PKD1: variants seen among roughly 807,000 people sequenced by gnomAD.
The protein encoded by PKD1 is polycystin-1.
PKD1 carries 81 observed loss-of-function variants against 361.7 expected under a neutral mutation model. The ratio of observed to expected loss-of-function variants is 0.22; its 90% CI spans 0.19 to 0.27. PKD1 has a LOEUF of 0.27. PKD1 is among the 10% of genes least tolerant of loss of function. PKD1 has a pLI of 1.00. For missense variants in PKD1, 6,399 were observed against 6,118.3 expected, an observed-to-expected ratio of 1.05 and a Z score of -1.53; for synonymous variants, 3,615 against 2,818.3, an observed-to-expected ratio of 1.28 and a Z score of -8.95.
intron 16 of PKD1, 73 bp from the exon 17 acceptor site, chr16:2,107,021 G>A (rs1373068228): frequency 2.4e-5 from 35 of 1,433,574 alleles, no homozygotes; most frequent in Admixed American, 1.9e-4. Flanking sequence ...ACCCATGGAG[G>A]ATGCTGCTCC....
rs759210811 is a variant in PKD1 at position 2,090,153 on chromosome 16, G to T, written c.12486C>A (p.Pro4162=). 195 of 1,596,548 alleles carry T rather than the reference G, an allele frequency of 1.2e-4. 6 individuals carry two copies. In the Middle Eastern group the frequency reaches 1.5e-3, roughly 12 times the overall value. The change falls in exon 46 of 46, where the codon CCC becomes CCA. Residue 4162 remains proline (P), a synonymous_variant. Transcript: ENST00000262304. ...CCTTGGAGCCCCTGGAGGAGCGAGA[G>T]GGCAGCGGCTCCATCCCTTCAAAGC... The part of the protein sequence containing the change: ...KVRFEGMEPL[P]SRSSRGSKVS...
In PKD1 at chr16:2,094,254, G is replaced by A. The variant is rs180802699; in HGVS notation, c.10500-44C>T. On this transcript the variant is annotated intron_variant, in intron 34 of 45. Coordinates refer to ENST00000262304, the MANE Select transcript of PKD1 (RefSeq NM_001009944.3). ...TGTGAATTCATCCCGGCCTCCAGGA[G>A]GCAGTTGCAGCCAAGCCCATGTTAA... 8.8e-5 allele frequency: 110 copies of A among 1,243,288 alleles called. 1 individual carries two copies. The highest frequency in any genetic ancestry group is 7.7e-4 in the Admixed American group (45 of 58,776). 77.0% of individuals were successfully genotyped at this position (1,243,288 alleles called of 1,614,324 possible). A position where few individuals can be genotyped will look rare whatever the true frequency, so the allele number is the denominator to read the frequency against.
In PKD1 at chr16:2,106,204, G is replaced by C. The variant is rs745509165; in HGVS notation, c.7590C>G (p.Gly2530=). The C allele has an allele frequency of 5.6e-6, 9 of 1,610,142 alleles. No homozygotes were observed. Among genetic ancestry groups the C allele is most frequent in the East Asian group, 2.2e-5 (1 of 44,872 alleles). The change falls in exon 19 of 46, where the codon GGC becomes GGG. Residue 2530 remains glycine, a synonymous_variant. Coordinates refer to ENST00000262304, the MANE Select transcript of PKD1 (RefSeq NM_001009944.3). The surrounding 1 kb of genome is among the most constrained non-coding windows in gnomAD (Gnocchi z 6.5). ...GHCEEFCVYK[G]SLSSYGAVLP... is the part of the protein sequence containing the mutation. Reference sequence around the variant, plus strand: ...GCACGGCTCCGTAGCTGGAGAGGCTGCCCTTGTAGACACAGAACTCCTCGC... The same window carrying C: ...GCACGGCTCCGTAGCTGGAGAGGCTCCCCTTGTAGACACAGAACTCCTCGC...
In PKD1 at chr16:2,109,382, C is replaced by T. The variant is rs756269304; in HGVS notation, c.5785G>A (p.Glu1929Lys). The T allele has an allele frequency of 6.3e-6, 10 of 1,596,718 alleles. No homozygotes were observed. The highest frequency in any genetic ancestry group is 2.2e-4 in the Middle Eastern group (1 of 4,546). ...GAGAAACGGGGCCCGGGGAGCACCT[C>T]GGGGTTGGCCCCGCCGACCTGCAGG... ...FRLQVGGANP[E>K]VLPGPRFSHS... Residue 1929 changes from glutamate to lysine, a missense_variant, in exon 15 of 46, where the codon GAG becomes AAG. Coordinates refer to ENST00000262304, the MANE Select transcript of PKD1 (RefSeq NM_001009944.3).
chr16:2,114,257 G>A lies in PKD1; in HGVS notation c.2766C>T (p.Leu922=), dbSNP rs777269703. 1.9e-6 allele frequency: 3 copies of A among 1,610,248 alleles called. No individual in the cohort carries two copies. Among genetic ancestry groups the A allele is most frequent in the South Asian group, 1.1e-5 (1 of 90,992 alleles). The change falls in exon 11 of 46, where the codon CTC becomes CTT. Residue 922 remains leucine (L), a synonymous_variant. Transcript: ENST00000262304. ...VVENSASRAN[L]SLRVTAEEPI... is the part of the protein sequence containing the mutation. The stretch of plus-strand genomic sequence containing the variant: ...GCTCCTCCGCCGTCACCCGCAGGCT[G>A]AGGTTGGCCCGGCTGGCGCTGTTTT...
chr16:2,107,700 G>A (rs577348367), intron 16 of PKD1, 183 bp downstream of exon 16: 45 of 665,986 alleles, frequency 6.8e-5, no homozygotes, highest in South Asian at 3.8e-4. Context: ...GACTGTACGT[G>A]GAACTGTGGC....
At chr16:2,115,192 C>T (rs2092610242) in intron 10 of PKD1, 186 bp downstream of exon 10, 7 of 609,486 alleles carry the variant, frequency 1.1e-5, no homozygotes, top group Non-Finnish European at 1.4e-5. Flanking sequence ...GCCAAGGGCC[C>T]AGGCGAGAGC....
chr16:2,120,711 C>G (rs376138116), intron 1 of PKD1, among the ~76,000 whole-genome samples: 17 of 151,734 alleles, frequency 1.1e-4, no homozygotes, highest in South Asian at 6.2e-4. Flanking sequence ...CGAAAGAAAA[C>G]AAAGAGAAAG....
At chr16:2,105,767 C>T (rs1311825565) in intron 20 of PKD1, 98 bp downstream of exon 20, 33 of 1,401,086 alleles carry the variant, frequency 2.4e-5, no homozygotes, top group Non-Finnish European at 3.1e-5. Context: ...TCTCTGGGGC[C>T]CGGGATGAGC....
chr16:2,100,384 G>C lies in PKD1; in HGVS notation c.9568+12C>G, dbSNP rs2092045646. On this transcript the variant is annotated intron_variant, in intron 27 of 45. Transcript: ENST00000262304. This position sits in a 1 kb window ranked among gnomAD's most constrained non-coding sequence, Gnocchi z 4.4. ...GGGCAGAGGGGCAGAGCTTGGCAGG[G>C]TCCGCACAAACCTTTGTTGTCGTGC... is the stretch of plus-strand genomic sequence containing the variant. 2 of 1,611,114 alleles carry C rather than the reference G, an allele frequency of 1.2e-6. No homozygotes were observed. Among genetic ancestry groups the C allele is most frequent in the Admixed American group, 3.3e-5 (2 of 60,004 alleles).
rs761446536 is a variant in PKD1 at position 2,090,256 on chromosome 16, C to T, written c.12444+29G>A. The stretch of plus-strand genomic sequence containing the variant: ...ACCCTGGGCAGAGCCCAGGGCGTGT[C>T]CCTCTCCCCCCCACTGGGCCGTACC... On this transcript the variant is annotated intron_variant, in intron 45 of 45. Transcript: ENST00000262304. 1.1e-5 allele frequency: 17 copies of T among 1,608,572 alleles called. No homozygotes were observed. The South Asian group carries it at 1.5e-4, about 15-fold the overall frequency.
rs761150115 is a variant in PKD1, at chr16:2,097,470, G to A, written c.10254C>T (p.Leu3418=). ...GGTCACTGAGCAGGTCCGGCCAACT[G>A]AGCGTTCCCTCGCCGGAGGGCCAGC... is the stretch of plus-strand genomic sequence containing the variant. ...LVCWPSGEGT[L]SWPDLLSDPS... The change falls in exon 33 of 46, where the codon CTC becomes CTT. Residue 3418 remains leucine (L), a synonymous_variant. Coordinates refer to ENST00000262304, the MANE Select transcript of PKD1 (RefSeq NM_001009944.3). 12 of 1,603,608 alleles carry A rather than the reference G, an allele frequency of 7.5e-6. No homozygotes were observed. The African/African-American group carries it at 1.3e-4, about 18-fold the overall frequency.
In PKD1 at chr16:2,093,911, CCT is replaced by C; in HGVS notation, c.10719_10720del (p.Gly3574ValfsTer52). 1 of 1,581,452 alleles carries C rather than the reference CCT, an allele frequency of 6.3e-7. No homozygotes were observed. Among genetic ancestry groups the C allele is most frequent in the African/African-American group, 1.3e-5 (1 of 74,466 alleles). On this transcript the variant is annotated frameshift_variant, in exon 36 of 46. Transcript: ENST00000262304. LOFTEE classifies it high-confidence loss of function. Reference sequence around the variant, plus strand: ...CGGGGGGAAGCTCGCACCCACCCACCCTGAGACAGCCACAGCCACAGCCACCA... The same window carrying C: ...CGGGGGGAAGCTCGCACCCACCCACCGAGACAGCCACAGCCACAGCCACCA...
At position 2,119,288 on chromosome 16, in the gene PKD1, A is replaced by G. The variant is rs2092685887; in HGVS notation, c.287+19T>C. 1 of 1,091,210 alleles carries G rather than the reference A, an allele frequency of 9.2e-7. No individual in the cohort carries two copies. The highest frequency in any genetic ancestry group is 2.0e-5 in the Admixed American group (1 of 50,640). 67.6% of individuals were successfully genotyped at this position (1,091,210 alleles called of 1,614,324 possible). ...CCCGGAGTGAGCCCCGCATGCTGGC[A>G]CGACTGGGGGACACTCACAGCTCTG... is the stretch of plus-strand genomic sequence containing the variant. On this transcript the variant is annotated intron_variant, in intron 2 of 45. Coordinates refer to ENST00000262304, the MANE Select transcript of PKD1 (RefSeq NM_001009944.3).
In PKD1 at chr16:2,103,330, G is replaced by A. The variant is rs1162949580; in HGVS notation, c.8727C>T (p.Val2909=). 6 of 1,607,168 alleles carry A rather than the reference G, an allele frequency of 3.7e-6. No homozygotes were observed. Among genetic ancestry groups the A allele is most frequent in the Non-Finnish European group, 5.1e-6 (6 of 1,179,652 alleles). The change falls in exon 23 of 46, where the codon GTC becomes GTT. Residue 2909 remains valine, a synonymous_variant. Coordinates refer to ENST00000262304, the MANE Select transcript of PKD1 (RefSeq NM_001009944.3). ...CCGCAGGGTTGCTGCTGTCCAGGGT[G>A]ACCACAGCACCGACGGAGGCCTGGG... ...VQPQASVGAV[V]TLDSSNPAAG... is the part of the protein sequence containing the mutation.
In PKD1 at chr16:2,106,963, G is replaced by C. The variant is rs1172796606; in HGVS notation, c.7066-15C>G. The C allele has an allele frequency of 6.3e-7, 1 of 1,582,486 alleles. No individual in the cohort carries two copies. The highest frequency in any genetic ancestry group is 1.4e-5 in the African/African-American group (1 of 73,066). On this transcript the variant is annotated splice_polypyrimidine_tract_variant and intron_variant, in intron 16 of 45. Coordinates refer to ENST00000262304, the MANE Select transcript of PKD1 (RefSeq NM_001009944.3). This position sits in a 1 kb window ranked among gnomAD's most constrained non-coding sequence, Gnocchi z 6.5. Reference sequence around the variant, plus strand: ...CGGATCAGCACCTGGCGTGGGAGTGGGGTTACCTCCAACACAGGTCTATTT... The same window carrying C: ...CGGATCAGCACCTGGCGTGGGAGTGCGGTTACCTCCAACACAGGTCTATTT...
chr16:2,104,495 C>T lies in PKD1; in HGVS notation c.8161+3G>A, dbSNP rs753886023. ...GGGTGGCATGGGGCACGGGCCGCGG[C>T]ACCTGTGATGTTGAGGATGCTGTCT... On this transcript the variant is annotated splice_donor_region_variant and intron_variant, in intron 22 of 45. Coordinates refer to ENST00000262304, the MANE Select transcript of PKD1 (RefSeq NM_001009944.3). 5.3e-5 allele frequency: 81 copies of T among 1,519,688 alleles called. 1 individual carries two copies. The highest frequency in any genetic ancestry group is 2.3e-4 in the Middle Eastern group (1 of 4,356). The allele number at this position is 1,519,688 out of a possible 1,614,324, so 94.1% of individuals were successfully genotyped here.
chr16:2,103,943 G>A (rs760083791), intron 22 of PKD1, 48 bp from the exon 23 acceptor site: 145 of 1,305,358 alleles, frequency 1.1e-4, no homozygotes, highest in Admixed American at 2.5e-4. Flanking sequence ...GTAGAGGGAG[G>A]GTGGGGGCAG....
rs1229273682 is a variant in PKD1 at position 2,108,828 on chromosome 16, G to A, written c.6339C>T (p.Ser2113=). The A allele has an allele frequency of 3.2e-6, 5 of 1,570,562 alleles. No homozygotes were observed. Among genetic ancestry groups the A allele is most frequent in the Middle Eastern group, 2.2e-4 (1 of 4,466 alleles). The change falls in exon 15 of 46, where the codon TCC becomes TCT. Residue 2113 remains serine, a synonymous_variant. Coordinates refer to ENST00000262304, the MANE Select transcript of PKD1 (RefSeq NM_001009944.3). Reference sequence around the variant, plus strand: ...CGCGGTAGTCCCCAGGCCTCAGGTAGGAGTGCTCGGCCCTGGGCTCATCTG... The same window carrying A: ...CGCGGTAGTCCCCAGGCCTCAGGTAAGAGTGCTCGGCCCTGGGCTCATCTG... ...QDTDEPRAEH[S]YLRPGDYRVQ... is the part of the protein sequence containing the mutation.
Sources: allele counts gnomAD v4.1 joint callset (sites outside exome capture counted in the v4.1 genomes callset), GRCh38; gene constraint gnomAD v4.1.1; non-coding constraint Gnocchi (gnomAD v3.1); transcripts MANE v1.5; gene names NCBI Gene and HGNC (gene_info 2026-07-23, HGNC 2026-07-21).